AFF3: variants seen among roughly 807,000 people sequenced by gnomAD.
AFF3 encodes the protein AF4/FMR2 family member 3.
Under a neutral mutation model 129.7 loss-of-function variants are expected in AFF3, and 32 were observed. That is an observed-to-expected ratio of 0.25 (90% confidence interval 0.19 to 0.33). AFF3 has a LOEUF of 0.33. AFF3 is among the 10% of genes least tolerant of loss of function. The probability of loss-of-function intolerance (pLI) is 1.00; values close to 1 mark genes in which losing one functional copy is unlikely to be tolerated. For missense variants in AFF3, 1,373 were observed against 1,592.0 expected (o/e 0.86, Z 2.34); for synonymous variants, 644 against 635.4 (o/e 1.01, Z -0.20).
intron 12 of AFF3, among the ~76,000 whole-genome samples, chr2:99,659,607 A>G (rs1469426132): frequency 6.6e-6 from 1 of 152,184 alleles, no homozygotes; most frequent in African/African-American, 2.4e-5. Flanking sequence ...ATCGCCACTA[A>G]TAAGTGCTAA....
At chr2:99,576,339 C>T (rs1676989201) in intron 18 of AFF3, among the ~76,000 whole-genome samples, 1 of 140,584 alleles carries the variant, frequency 7.1e-6, no homozygotes, top group Non-Finnish European at 1.5e-5. Context: ...CCGTGAGACG[C>T]TTTTTCTACA....
intron 11 of AFF3, among the ~76,000 whole-genome samples, chr2:99,696,678 T>G (rs1007873988): frequency 6.6e-6 from 1 of 151,574 alleles, no homozygotes; most frequent in Non-Finnish European, 1.5e-5. Context: ...CTTCTTTGAG[T>G]CAGGCTCTTA....
chr2:99,768,337 T>C (rs1314675711), intron 8 of AFF3, among the ~76,000 whole-genome samples: 2 of 152,176 alleles, frequency 1.3e-5, no homozygotes, highest in Admixed American at 1.3e-4. Flanking sequence ...TGGGTACTTA[T>C]CTGATTTTTA....
At chr2:99,870,576 GAGGTA>G (rs1691797992) in intron 7 of AFF3, among the ~76,000 whole-genome samples, 1 of 152,206 alleles carries the variant, frequency 6.6e-6, no homozygotes, top group Admixed American at 6.5e-5. Context: ...CCTAGATAAG[GAGGTA>G]AAACTCATGG....
At chr2:99,806,880 T>C (rs1686397164) in intron 8 of AFF3, among the ~76,000 whole-genome samples, 1 of 152,162 alleles carries the variant, frequency 6.6e-6, no homozygotes, top group South Asian at 2.1e-4. Flanking sequence ...TTTGGTTTTG[T>C]TCCAACAGAT....
At chr2:99,990,916 G>A (rs1050720863) in intron 7 of AFF3, among the ~76,000 whole-genome samples, 7 of 152,058 alleles carry the variant, frequency 4.6e-5, no homozygotes, top group African/African-American at 1.2e-4. Flanking sequence ...TGCCCAGGGC[G>A]CAGCTGGAAA....
In AFF3 at chr2:99,593,698, G is replaced by A. The variant is rs1340596055; in HGVS notation, c.1963C>T (p.Leu655=). ...VTCEKRRTRG[L]SRIVPKSKEF... ...TTGGATTTGGGGACGATCCTGCTTA[G>A]CCCCCGCGTGCGGCGCTTCTCGCAG... is the stretch of plus-strand genomic sequence containing the variant. Residue 655 remains leucine, a synonymous_variant, in exon 15 of 25, where the codon CTA becomes TTA. Transcript: ENST00000672756. 2 of 1,607,680 alleles carry A rather than the reference G, an allele frequency of 1.2e-6. No individual in the cohort carries two copies. The highest frequency in any genetic ancestry group is 8.5e-7 in the Non-Finnish European group (1 of 1,175,800).
chr2:99,921,952 T>C (rs146213889), intron 7 of AFF3, among the ~76,000 whole-genome samples: 5 of 152,252 alleles, frequency 3.3e-5, no homozygotes, highest in Admixed American at 2.6e-4. Context: ...AATAAGCACA[T>C]GAAAAAGTAT....
At chr2:99,784,786 T>C (rs1289384948) in intron 8 of AFF3, among the ~76,000 whole-genome samples, 1 of 152,254 alleles carries the variant, frequency 6.6e-6, no homozygotes, top group Non-Finnish European at 1.5e-5. Context: ...CAAATGTAAC[T>C]GTATTGTCCT....
intron 4 of AFF3, among the ~76,000 whole-genome samples, chr2:100,019,294 A>G (rs1377557595): frequency 6.6e-6 from 1 of 152,248 alleles, no homozygotes; most frequent in African/African-American, 2.4e-5. Context: ...TCTGAAAAGG[A>G]CTAAGAGTCA....
intron 16 of AFF3, among the ~76,000 whole-genome samples, chr2:99,586,903 G>A (rs1678174615): frequency 6.6e-6 from 1 of 152,190 alleles, no homozygotes; most frequent in Non-Finnish European, 1.5e-5. Flanking sequence ...ATGTCTTGGG[G>A]AGTGCAGAGC....
At chr2:99,958,078 C>T (rs1676836424) in intron 7 of AFF3, among the ~76,000 whole-genome samples, 1 of 152,096 alleles carries the variant, frequency 6.6e-6, no homozygotes, top group African/African-American at 2.4e-5. Flanking sequence ...TTAGACACAC[C>T]TACAAGAGGG....
chr2:99,830,729 T>G (rs1386725207), intron 8 of AFF3, among the ~76,000 whole-genome samples: 1 of 152,164 alleles, frequency 6.6e-6, no homozygotes, highest in Non-Finnish European at 1.5e-5. Flanking sequence ...AGTGAGACTT[T>G]GTCTCAAAAA....
chr2:100,014,009 C>G (rs2104794363), intron 4 of AFF3, among the ~76,000 whole-genome samples: 1 of 152,184 alleles, frequency 6.6e-6, no homozygotes, highest in South Asian at 2.1e-4. Context: ...ACAGCCTGCC[C>G]TCTGGCTGAG....
At chr2:100,045,804 ATT>A (rs970206317) in intron 4 of AFF3, among the ~76,000 whole-genome samples, 7 of 152,108 alleles carry the variant, frequency 4.6e-5, no homozygotes, top group Admixed American at 2.6e-4. Flanking sequence ...TCTTAATAAC[ATT>A]TTCTTTTCTC....
intron 7 of AFF3, among the ~76,000 whole-genome samples, chr2:99,934,382 A>G (rs1305553178): frequency 6.6e-6 from 1 of 152,162 alleles, no homozygotes; most frequent in Non-Finnish European, 1.5e-5. Context: ...AAAGTTTCCA[A>G]GCAGATCCTC....
At chr2:100,012,902 TA>T (rs1354619906) in intron 4 of AFF3, among the ~76,000 whole-genome samples, 5 of 152,218 alleles carry the variant, frequency 3.3e-5, no homozygotes, top group Non-Finnish European at 7.3e-5. Flanking sequence ...AAGTTGCTCC[TA>T]TTTCCATAAA....
At chr2:99,563,829 A>AAAAAG (rs1675721312) in intron 20 of AFF3, among the ~76,000 whole-genome samples, 1 of 151,198 alleles carries the variant, frequency 6.6e-6, no homozygotes, top group African/African-American at 2.4e-5. Flanking sequence ...AAAAAAAAAA[A>AAAAAG]AAAAGAAAGA....
At chr2:100,040,366 T>C (rs1486817580) in intron 4 of AFF3, among the ~76,000 whole-genome samples, 15 of 151,664 alleles carry the variant, frequency 9.9e-5, no homozygotes, top group Admixed American at 9.8e-4. Flanking sequence ...CAGGAAAGAG[T>C]TCCAACCAGC....
Sources: allele counts gnomAD v4.1 joint callset (sites outside exome capture counted in the v4.1 genomes callset), GRCh38; gene constraint gnomAD v4.1.1; transcripts MANE v1.5; gene names NCBI Gene and HGNC (gene_info 2026-07-23, HGNC 2026-07-21).